MARCHF1: variants seen among roughly 807,000 people sequenced by gnomAD.
MARCHF1 encodes the protein membrane associated ring-CH-type finger 1.
MARCHF1 carries 40 observed loss-of-function variants against 54.2 expected under a neutral mutation model. That is an observed-to-expected ratio of 0.74 (90% confidence interval 0.57 to 0.96). MARCHF1 has a LOEUF of 0.96. MARCHF1 is among the 40% of genes least tolerant of loss of function. MARCHF1 has a pLI of 0.00. For missense variants in MARCHF1, 586 were observed against 656.5 expected (o/e 0.89, Z 1.17); for synonymous variants, 236 against 236.3 (o/e 1.00, Z 0.01).
chr4:163,871,254 G>T (rs1467863734), intron 3 of MARCHF1, among the ~76,000 whole-genome samples: 1 of 152,118 alleles, frequency 6.6e-6, no homozygotes. Context: ...GCGTTATGAT[G>T]TGACACTCAT....
chr4:163,617,752 T>C (rs1287569112), intron 5 of MARCHF1, among the ~76,000 whole-genome samples: 1 of 152,180 alleles, frequency 6.6e-6, no homozygotes, highest in Non-Finnish European at 1.5e-5. Flanking sequence ...TGAAGTCTGC[T>C]ACTTGCCCTC....
At chr4:164,023,077 T>C (rs1221420497) in intron 2 of MARCHF1, among the ~76,000 whole-genome samples, 1 of 151,922 alleles carries the variant, frequency 6.6e-6, no homozygotes, top group African/African-American at 2.4e-5. Flanking sequence ...AGCACTTGAG[T>C]TGGGAAAAAG....
chr4:164,174,678 TG>T (rs1270519266), intron 1 of MARCHF1, among the ~76,000 whole-genome samples: 85 of 152,318 alleles, frequency 5.6e-4, no homozygotes, highest in South Asian at 2.1e-3. Context: ...GGGTTAAAGG[TG>T]CAAGGGAACG....
intron 7 of MARCHF1, among the ~76,000 whole-genome samples, chr4:163,604,015 T>C (rs1741063363): frequency 6.6e-6 from 1 of 152,182 alleles, no homozygotes; most frequent in African/African-American, 2.4e-5. Context: ...CTGTCTGCCT[T>C]TTCGGCTGTT....
At chr4:164,265,085 T>G (rs886701403) in intron 1 of MARCHF1, among the ~76,000 whole-genome samples, 1 of 152,168 alleles carries the variant, frequency 6.6e-6, no homozygotes, top group South Asian at 2.1e-4. Context: ...TTATTTTGTA[T>G]GCAATGACAA....
At chr4:164,193,348 A>T (rs988542766) in intron 1 of MARCHF1, among the ~76,000 whole-genome samples, 4 of 151,794 alleles carry the variant, frequency 2.6e-5, no homozygotes, top group African/African-American at 4.8e-5. Flanking sequence ...AAGATACCCT[A>T]TATCTGTAAC....
Position 163,595,770 on chromosome 4 carries a change from G to T in MARCHF1, c.1011-9841C>A, listed in dbSNP as rs139891657. On this transcript the variant is annotated intron_variant, in intron 7 of 9. Coordinates refer to ENST00000514618, the MANE Select transcript of MARCHF1 (RefSeq NM_001394959.1). ...TGGGGAGAGGGGAAAATGGGAAGTT[G>T]TTATTCAGTGGGAGTAATTTTTGAT... is the stretch of plus-strand genomic sequence containing the variant. Among the ~76,000 whole-genome samples, 688 of 152,182 alleles carry T rather than the reference G, an allele frequency of 4.5e-3. 5 individuals carry two copies. Among genetic ancestry groups the T allele is most frequent in the African/African-American group, 0.015 (608 of 41,530 alleles).
intron 1 of MARCHF1, among the ~76,000 whole-genome samples, chr4:164,133,703 AAAG>A (rs995877261): frequency 6.6e-5 from 10 of 152,220 alleles, no homozygotes; most frequent in Non-Finnish European, 1.2e-4. Flanking sequence ...TAGCCCAAAA[AAAG>A]AACTAAAACT....
At chr4:163,992,019 G>A (rs983466082) in intron 2 of MARCHF1, among the ~76,000 whole-genome samples, 2 of 109,128 alleles carry the variant, frequency 1.8e-5, no homozygotes, top group Admixed American at 2.6e-4. Context: ...AGAAAAATAT[G>A]CATCTCTGGT....
intron 1 of MARCHF1, among the ~76,000 whole-genome samples, chr4:164,289,072 T>C (rs993907045): frequency 6.6e-6 from 1 of 152,044 alleles, no homozygotes; most frequent in Non-Finnish European, 1.5e-5. Flanking sequence ...GCTACACTCA[T>C]TTTTCCCTCA....
chr4:164,257,151 G>A (rs182792581), intron 1 of MARCHF1, among the ~76,000 whole-genome samples: 1 of 152,082 alleles, frequency 6.6e-6, no homozygotes, highest in Admixed American at 6.5e-5. Flanking sequence ...TTGATGGTTA[G>A]TTAATACTTA....
chr4:164,214,211 T>C (rs1731864140), intron 1 of MARCHF1, among the ~76,000 whole-genome samples: 1 of 152,146 alleles, frequency 6.6e-6, no homozygotes, highest in Non-Finnish European at 1.5e-5. Flanking sequence ...TTTTATGTTG[T>C]CTTCATATAT....
chr4:164,010,281 T>C (rs1385001890), intron 2 of MARCHF1, among the ~76,000 whole-genome samples: 1 of 151,244 alleles, frequency 6.6e-6, no homozygotes, highest in East Asian at 1.9e-4. Context: ...GTATTTTTAG[T>C]AGAGATGGGG....
At chr4:164,216,889 T>A (rs532233884) in intron 1 of MARCHF1, among the ~76,000 whole-genome samples, 1 of 152,208 alleles carries the variant, frequency 6.6e-6, no homozygotes, top group East Asian at 1.9e-4. Context: ...AACCCAAGAA[T>A]ACTTTAACTA....
chr4:164,304,416 G>GC (rs540008909), intron 1 of MARCHF1, among the ~76,000 whole-genome samples: 73 of 152,258 alleles, frequency 4.8e-4, no homozygotes, highest in Non-Finnish European at 8.5e-4. Flanking sequence ...GTCATGTACA[G>GC]CCCCTGGTGT....
intron 1 of MARCHF1, among the ~76,000 whole-genome samples, chr4:164,175,686 A>G (rs989707292): frequency 6.6e-6 from 1 of 152,210 alleles, no homozygotes; most frequent in African/African-American, 2.4e-5. Context: ...AGGTCCCTAG[A>G]TGATAAAGGA....
intron 3 of MARCHF1, among the ~76,000 whole-genome samples, chr4:163,908,879 A>T (rs1016358888): frequency 6.6e-6 from 1 of 151,044 alleles, no homozygotes; most frequent in Non-Finnish European, 1.5e-5. Context: ...GTAGATGTGC[A>T]AGATTAGATA....
At chr4:164,075,982 C>G (rs1386258733) in intron 2 of MARCHF1, among the ~76,000 whole-genome samples, 1 of 152,112 alleles carries the variant, frequency 6.6e-6, no homozygotes, top group African/African-American at 2.4e-5. Context: ...AACAGGATGA[C>G]TGAACTTGTA....
chr4:164,073,731 C>T (rs1399739311), intron 2 of MARCHF1, among the ~76,000 whole-genome samples: 1 of 152,054 alleles, frequency 6.6e-6, no homozygotes, highest in Non-Finnish European at 1.5e-5. Flanking sequence ...AATTAACCAC[C>T]ACTAAATTTT....
Sources: allele counts gnomAD v4.1 joint callset (sites outside exome capture counted in the v4.1 genomes callset), GRCh38; gene constraint gnomAD v4.1.1; transcripts MANE v1.5; gene names NCBI Gene and HGNC (gene_info 2026-07-23, HGNC 2026-07-21).